LEKR1: variants seen among roughly 807,000 people sequenced by gnomAD.
LEKR1 encodes the protein protein LEKR1.
Under a neutral mutation model 72.4 loss-of-function variants are expected in LEKR1, and 59 were observed. The ratio of observed to expected loss-of-function variants is 0.82; its 90% CI spans 0.66 to 1.01. The LOEUF is 1.01. Ranked by LOEUF, LEKR1 falls within the 50% of genes least tolerant of loss-of-function variation. The pLI is 0.00. For missense variants in LEKR1, 728 were observed against 759.2 expected (o/e 0.96, Z 0.48); for synonymous variants, 257 against 263.2 (o/e 0.98, Z 0.23).
In LEKR1 at chr3:156,835,901, TCTCA is replaced by T. The variant is rs760049936; in HGVS notation, c.48+6528_48+6531del. Among the ~76,000 whole-genome samples, 872 of 128,228 alleles carry T rather than the reference TCTCA, an allele frequency of 6.8e-3. 6 individuals are homozygous for T. Among genetic ancestry groups the T allele is most frequent in the Non-Finnish European group, 0.011 (671 of 61,914 alleles). 84.1% of individuals were successfully genotyped at this position (128,228 alleles called of 152,430 possible). On this transcript the variant is annotated intron_variant, in intron 2 of 12. Coordinates refer to ENST00000356539, the MANE Select transcript of LEKR1 (RefSeq NM_001004316.3). ...TTTTTTTTTTTTTTTTTGAGATGAG[TCTCA>T]CTCTGTCACCAAGGCTGGAGTGCAG...
intron 4 of LEKR1, among the ~76,000 whole-genome samples, chr3:156,926,294 A>G (rs1411444230): frequency 1.3e-5 from 2 of 152,030 alleles, no homozygotes; most frequent in African/African-American, 4.8e-5. Context: ...GAAAACCTGA[A>G]ATGACAATCT....
At chr3:157,000,844 G>C (rs573147914) in intron 9 of LEKR1, among the ~76,000 whole-genome samples, 1 of 152,158 alleles carries the variant, frequency 6.6e-6, no homozygotes, top group Non-Finnish European at 1.5e-5. Context: ...TAATCTCCAG[G>C]TGTCAAGGGA....
chr3:156,859,203 C>T (rs1716455025), intron 3 of LEKR1, among the ~76,000 whole-genome samples: 1 of 152,086 alleles, frequency 6.6e-6, no homozygotes, highest in Non-Finnish European at 1.5e-5. Flanking sequence ...GTCAGTTTCA[C>T]TTGAAAAATG....
intron 1 of LEKR1, among the ~76,000 whole-genome samples, 167 bp from the exon 2 acceptor site, chr3:156,829,119 C>T (rs780529927): frequency 7.9e-5 from 12 of 152,124 alleles, no homozygotes; most frequent in Admixed American, 7.2e-4. Context: ...CAATAACTAA[C>T]GGAGAAAACC....
At chr3:156,875,488 T>C (rs1482376564) in intron 3 of LEKR1, among the ~76,000 whole-genome samples, 2 of 152,212 alleles carry the variant, frequency 1.3e-5, no homozygotes, top group African/African-American at 4.8e-5. Flanking sequence ...CTGTTTACTC[T>C]GCTGATTATT....
At chr3:156,984,891 A>G (rs1017481000) in intron 7 of LEKR1, among the ~76,000 whole-genome samples, 4 of 152,002 alleles carry the variant, frequency 2.6e-5, no homozygotes, top group African/African-American at 4.8e-5. Context: ...GCCTTTCAAC[A>G]GCATCTGACA....
At chr3:156,932,584 G>A (rs188851804) in intron 5 of LEKR1, among the ~76,000 whole-genome samples, 11 of 151,682 alleles carry the variant, frequency 7.3e-5, no homozygotes, top group Admixed American at 2.0e-4. Context: ...GTGGTGGTGC[G>A]CACCTGTAAC....
intron 10 of LEKR1, among the ~76,000 whole-genome samples, chr3:157,019,434 T>C (rs966169618): frequency 6.6e-6 from 1 of 152,206 alleles, no homozygotes; most frequent in African/African-American, 2.4e-5. Context: ...AGTCATCCGG[T>C]GGCCTTCACC....
At chr3:156,872,542 A>G (rs970766913) in intron 3 of LEKR1, among the ~76,000 whole-genome samples, 1 of 151,812 alleles carries the variant, frequency 6.6e-6, no homozygotes, top group Non-Finnish European at 1.5e-5. Flanking sequence ...TAGATTATCG[A>G]TTTGAAATCT....
At chr3:156,975,796 GT>G (rs1729638507) in intron 6 of LEKR1, among the ~76,000 whole-genome samples, 1 of 152,152 alleles carries the variant, frequency 6.6e-6, no homozygotes, top group South Asian at 2.1e-4. Flanking sequence ...ATTTACTGTT[GT>G]AAATTTTTTA....
At chr3:156,882,750 G>C (rs1375252093) in intron 3 of LEKR1, among the ~76,000 whole-genome samples, 37 of 152,266 alleles carry the variant, frequency 2.4e-4, no homozygotes, top group Non-Finnish European at 4.6e-4. Context: ...TTGGAACCAA[G>C]CCAAATGTCC....
In LEKR1 at chr3:156,888,331, G is replaced by A. The variant is rs765445322; in HGVS notation, c.264-32244G>A. 2.0e-5 allele frequency: 14 copies of A among 702,206 alleles called. No individual in the cohort carries two copies. In the East Asian group the frequency reaches 2.4e-4, roughly 12 times the overall value. The allele number at this position is 702,206 out of a possible 1,614,324, so 43.5% of individuals were successfully genotyped here. On this transcript the variant is annotated intron_variant, in intron 3 of 12. Coordinates refer to ENST00000356539, the MANE Select transcript of LEKR1 (RefSeq NM_001004316.3). Reference sequence around the variant, plus strand: ...CTTCAGACTCATGCTTAGACTGGAAGTAGAACATTGCCAGCTGAAAGAACG... The same window carrying A: ...CTTCAGACTCATGCTTAGACTGGAAATAGAACATTGCCAGCTGAAAGAACG...
chr3:156,830,358 C>G (rs1712218013), intron 2 of LEKR1, among the ~76,000 whole-genome samples: 1 of 152,156 alleles, frequency 6.6e-6, no homozygotes, highest in Non-Finnish European at 1.5e-5. Context: ...ATTTAGCATG[C>G]CACTACCTGA....
In LEKR1 at chr3:156,899,754, A is replaced by C. The variant is rs546064481; in HGVS notation, c.264-20821A>C. 8.2e-5 allele frequency among the ~76,000 whole-genome samples: 11 copies of C among 134,436 alleles called. No individual in the cohort carries two copies. In the South Asian group the frequency reaches 1.9e-3, roughly 23 times the overall value. 88.2% of individuals were successfully genotyped at this position (134,436 alleles called of 152,430 possible). On this transcript the variant is annotated intron_variant, in intron 3 of 12. Transcript: ENST00000356539. ...TATACACATATATACATGCATATAT[A>C]CACATATACATGCATATATACACAT... is the stretch of plus-strand genomic sequence containing the variant.
intron 3 of LEKR1, among the ~76,000 whole-genome samples, chr3:156,870,157 C>G (rs754325867): frequency 5.3e-5 from 8 of 151,932 alleles, no homozygotes; most frequent in Admixed American, 2.0e-4. Context: ...CAGCTTTGTT[C>G]TTTTTGCTCA....
At chr3:156,924,070 G>T (rs1363544138) in intron 4 of LEKR1, among the ~76,000 whole-genome samples, 2 of 152,000 alleles carry the variant, frequency 1.3e-5, no homozygotes, top group African/African-American at 4.8e-5. Flanking sequence ...TTTCCAAAGG[G>T]GCTGCACATT....
chr3:156,894,433 A>G (rs998298274), intron 3 of LEKR1, among the ~76,000 whole-genome samples: 1 of 152,240 alleles, frequency 6.6e-6, no homozygotes, highest in African/African-American at 2.4e-5. Flanking sequence ...AATATTCTGC[A>G]TCTATTCTTG....
At chr3:156,909,669 A>AAAGAAAG (rs1553800894) in intron 3 of LEKR1, among the ~76,000 whole-genome samples, 1 of 145,932 alleles carries the variant, frequency 6.9e-6, no homozygotes. Flanking sequence ...AAAAAAAAAA[A>AAAGAAAG]AAAGAAATCT....
intron 6 of LEKR1, among the ~76,000 whole-genome samples, chr3:156,960,336 A>G (rs1728005350): frequency 6.6e-6 from 1 of 152,140 alleles, no homozygotes; most frequent in Admixed American, 6.6e-5. Context: ...CCCAGACTGG[A>G]GTGCAGTGGC....
Sources: gnomAD v4.1 joint callset for allele counts (sites outside exome capture counted in the v4.1 genomes callset) on GRCh38, gnomAD v4.1.1 for gene constraint, MANE v1.5 for transcripts, NCBI Gene and HGNC (gene_info 2026-07-23, HGNC 2026-07-21) for gene names.